POLR3GL: variants seen among roughly 807,000 people sequenced by gnomAD.
POLR3GL encodes the protein RNA polymerase III subunit GL, also known as DNA-directed RNA polymerase III subunit RPC7-like.
A neutral mutation model predicts 32.4 loss-of-function variants in POLR3GL; 26 were observed. The ratio of observed to expected loss-of-function variants is 0.80; its 90% confidence interval spans 0.59 to 1.11. The LOEUF (loss-of-function observed/expected upper bound fraction) is 1.11. POLR3GL is among the 50% of genes most tolerant of loss of function. The probability of loss-of-function intolerance (pLI) is 0.00; values close to 1 mark genes in which losing one functional copy is unlikely to be tolerated. For synonymous variants in POLR3GL, 95 were observed against 98.7 expected (o/e 0.96, Z 0.22); for missense variants, 229 against 280.1 (o/e 0.82, Z 1.30).
intron 1 of POLR3GL, among the ~76,000 whole-genome samples, chr1:145,973,714 G>GAA (rs1392646398): frequency 7.3e-6 from 1 of 136,996 alleles, no homozygotes; most frequent in East Asian, 2.1e-4. Context: ...TCTGTCTCAA[G>GAA]AAAAAAAAAA....
intron 1 of POLR3GL, among the ~76,000 whole-genome samples, chr1:145,973,322 T>C (rs114711577): frequency 0.027 from 4,156 of 152,178 alleles, 104 homozygotes; most frequent in Non-Finnish European, 0.042. Flanking sequence ...GGAGAAACTT[T>C]AGATTCATCA....
chr1:145,974,900 G>A lies in POLR3GL; in HGVS notation c.35G>A (p.Arg12Gln), dbSNP rs782492898. ...CGGGGTGGGGGCCGGGGTCGTGGCCGGGGCCAGTTGACCTTCAACGTGGAG... is the reference window on the plus strand; with the variant it reads ...CGGGGTGGGGGCCGGGGTCGTGGCCAGGGCCAGTTGACCTTCAACGTGGAG... ...ASRGGGRGRG[R>Q]GQLTFNVEAV... The change falls in exon 2 of 8, where the codon CGG becomes CAG. Residue 12 changes from arginine (R) to glutamine (Q), a missense_variant. Arg to Gln is a conservative substitution (Grantham distance 43). Coordinates refer to ENST00000369314, the MANE Select transcript of POLR3GL (RefSeq NM_032305.3). The A allele has an allele frequency of 3.3e-6, 5 of 1,520,666 alleles. No homozygotes were observed. Among genetic ancestry groups the A allele is most frequent in the Admixed American group, 2.6e-5 (1 of 37,984 alleles). 94.2% of individuals were successfully genotyped at this position (1,520,666 alleles called of 1,614,324 possible).
At chr1:145,976,928 A>G (rs1371350514) in intron 3 of POLR3GL, among the ~76,000 whole-genome samples, 156 bp from the exon 4 acceptor site, 1 of 127,726 alleles carries the variant, frequency 7.8e-6, no homozygotes, top group African/African-American at 3.6e-5. Context: ...AAAAAAAAAA[A>G]AAAGTAGATA....
chr1:145,977,034 C>T, intron 3 of POLR3GL, 50 bp from the exon 4 acceptor site: 1 of 1,461,562 alleles, frequency 6.8e-7, no homozygotes, highest in Non-Finnish European at 9.6e-7. Flanking sequence ...CAGGAACAGT[C>T]CTGTTCTGGG....
At position 145,977,794 on chromosome 1, in the gene POLR3GL, C is replaced by T. The variant is rs369727512; in HGVS notation, c.399C>T (p.Leu133=). 50 of 1,613,898 alleles carry T rather than the reference C, an allele frequency of 3.1e-5. No homozygotes were observed. The highest frequency in any genetic ancestry group is 4.0e-5 in the Non-Finnish European group (47 of 1,179,946). ...KLQKERITIL[L]PKRPPKTTED... ...CTCCACCAGGGATTACAATTCTGCT[C>T]CCCAAGAGGCCCCCTAAGACCACAG... The change falls in exon 6 of 8, where the codon CTC becomes CTT. Residue 133 remains leucine (L), a synonymous_variant. Transcript: ENST00000369314.
At chr1:145,977,565 G>A (rs781822904) in intron 5 of POLR3GL, 26 bp downstream of exon 5, 1 of 1,607,316 alleles carries the variant, frequency 6.2e-7, no homozygotes, top group African/African-American at 1.3e-5. Flanking sequence ...AAAAAGGAGG[G>A]AGAAGAGAGG....
chr1:145,972,575 T>G (rs1003013093), intron 1 of POLR3GL, among the ~76,000 whole-genome samples: 16 of 152,168 alleles, frequency 1.1e-4, no homozygotes, highest in African/African-American at 3.9e-4. Context: ...CTAATACTGC[T>G]TTATTTATTT....
At chr1:145,977,692 A>C (rs1200781280) in intron 5 of POLR3GL, 86 bp from the exon 6 acceptor site, 79 of 1,380,284 alleles carry the variant, frequency 5.7e-5, no homozygotes, top group Non-Finnish European at 7.8e-5. Context: ...TGAGGGCAGC[A>C]GAGTGACATG....
intron 3 of POLR3GL, among the ~76,000 whole-genome samples, chr1:145,976,083 T>C (rs1650540229): frequency 2.6e-5 from 4 of 152,044 alleles, no homozygotes; most frequent in South Asian, 2.1e-4. Context: ...GAGGCCAGCC[T>C]AGCCAATACG....
chr1:145,971,989 A>AATATATATATATATATAT (rs1165893062), intron 1 of POLR3GL, among the ~76,000 whole-genome samples: 2 of 66,966 alleles, frequency 3.0e-5, no homozygotes, highest in African/African-American at 1.3e-4. Flanking sequence ...AAAAAAAAAA[A>AATATATATATATATATAT]ATATATATAT....
At chr1:145,974,282 T>C (rs1384471967) in intron 1 of POLR3GL, among the ~76,000 whole-genome samples, 1 of 152,236 alleles carries the variant, frequency 6.6e-6, no homozygotes, top group African/African-American at 2.4e-5. Context: ...GCCGAATGCA[T>C]TGCATTGGAT....
At chr1:145,975,272 T>C (rs781847923) in intron 2 of POLR3GL, 35 bp from the exon 3 acceptor site, 83 of 1,596,272 alleles carry the variant, frequency 5.2e-5, no homozygotes, top group Non-Finnish European at 7.1e-5. Context: ...ACTAGCATTT[T>C]CTCCCTGAAC....
At chr1:145,973,377 A>G (rs1301092961) in intron 1 of POLR3GL, among the ~76,000 whole-genome samples, 1 of 152,132 alleles carries the variant, frequency 6.6e-6, no homozygotes, top group Non-Finnish European at 1.5e-5. Flanking sequence ...GAGAATGGAT[A>G]CCATCTCTTT....
intron 1 of POLR3GL, among the ~76,000 whole-genome samples, chr1:145,967,667 C>T (rs1182168067): frequency 6.6e-6 from 1 of 152,360 alleles, no homozygotes; most frequent in South Asian, 2.1e-4. Flanking sequence ...TCTCTGTCCA[C>T]ATCCACTCCT....
In POLR3GL at chr1:145,977,165, C is replaced by T. The variant is rs201191854; in HGVS notation, c.325+13C>T. On this transcript the variant is annotated intron_variant, in intron 4 of 7. Transcript: ENST00000369314. ...GATTGGAACCCTGGTAGGTGATGGGCCCTTTCATTGACTGCCCTTCTTTCA... is the reference window on the plus strand; with the variant it reads ...GATTGGAACCCTGGTAGGTGATGGGTCCTTTCATTGACTGCCCTTCTTTCA... The T allele has an allele frequency of 1.7e-4, 270 of 1,606,604 alleles. No individual in the cohort carries two copies. The highest frequency in any genetic ancestry group is 1.9e-4 in the Non-Finnish European group (226 of 1,173,270).
chr1:145,974,096 C>T (rs782659460), intron 1 of POLR3GL, among the ~76,000 whole-genome samples: 25 of 151,968 alleles, frequency 1.6e-4, no homozygotes, highest in Non-Finnish European at 3.5e-4. Context: ...CACACCACGG[C>T]ACTCCAGCCT....
rs1553763506 is a variant in POLR3GL at position 145,977,073 on chromosome 1, C to A, written c.257-11C>A. ...CTGAAGGGATAAAACTTTGACCCTT[C>A]CACCCCTCAGATGTGGAGCGTTATT... On this transcript the variant is annotated splice_polypyrimidine_tract_variant and intron_variant, in intron 3 of 7. Coordinates refer to ENST00000369314, the MANE Select transcript of POLR3GL (RefSeq NM_032305.3). 6.2e-7 allele frequency: 1 copy of A among 1,612,790 alleles called. No individual in the cohort carries two copies. The highest frequency in any genetic ancestry group is 1.1e-5 in the South Asian group (1 of 91,048).
chr1:145,977,446 A>T (rs1452005595), intron 4 of POLR3GL, 37 bp from the exon 5 acceptor site: 2 of 1,595,604 alleles, frequency 1.3e-6, no homozygotes, highest in Non-Finnish European at 1.7e-6. Flanking sequence ...GACCCCAGGC[A>T]GGGTCCTATT....
At chr1:145,969,453 G>A (rs1327174011) in intron 1 of POLR3GL, among the ~76,000 whole-genome samples, 4 of 151,174 alleles carry the variant, frequency 2.6e-5, no homozygotes, top group East Asian at 2.0e-4. Flanking sequence ...TAGTAGAGAC[G>A]GGGTTTTGCC....
Sources: allele counts gnomAD v4.1 joint callset (sites outside exome capture counted in the v4.1 genomes callset), GRCh38; gene constraint gnomAD v4.1.1; transcripts MANE v1.5; gene names NCBI Gene and HGNC (gene_info 2026-07-23, HGNC 2026-07-21).